ALPK3: variants seen among roughly 807,000 people sequenced by gnomAD.
ALPK3 encodes alpha kinase 3, also known as alpha-protein kinase 3.
ALPK3 carries 102 observed loss-of-function variants against 140.0 expected under a neutral mutation model. That is an observed-to-expected ratio of 0.73 (90% confidence interval 0.62 to 0.86). The LOEUF (loss-of-function observed/expected upper bound fraction) is 0.86. Ranked by LOEUF, ALPK3 falls within the 40% of genes least tolerant of loss-of-function variation. ALPK3 has a pLI of 0.00. For missense variants in ALPK3, 2,254 were observed against 2,208.2 expected (o/e 1.02, Z -0.42); for synonymous variants, 938 against 898.5 (o/e 1.04, Z -0.79).
At chr15:84,852,710 C>A (rs1164057709) in intron 5 of ALPK3, 6 of 179,810 alleles carry the variant, frequency 3.3e-5, no homozygotes, top group Non-Finnish European at 7.0e-5. Flanking sequence ...AAAGCGAAAC[C>A]GTGAATAAGA....
intron 5 of ALPK3, among the ~76,000 whole-genome samples, chr15:84,849,683 A>C (rs1391526633): frequency 6.6e-6 from 1 of 152,218 alleles, no homozygotes; most frequent in Non-Finnish European, 1.5e-5. Context: ...TCCTAAGGCC[A>C]ATTAGAAAAC....
chr15:84,862,883 C>G lies in ALPK3; in HGVS notation c.4378C>G (p.Leu1460Val), dbSNP rs781232591. ...GTTTGGGCCCAGCAGTGAGACTTCT[C>G]TTGTGGGCAGAAACTACGACGTCAC... ...LVFGPSSETS[L>V]VGRNYDVTIQ... is the part of the protein sequence containing the mutation. The change falls in exon 10 of 14, where the codon CTT (leucine) becomes GTT (valine). Residue 1460 changes from leucine (L) to valine (V), a missense_variant. This residue lies in a region of ALPK3 where 2,088 missense variants were observed against 2,022.9 expected (regional missense o/e 1.03). Coordinates refer to ENST00000258888, the MANE Select transcript of ALPK3 (RefSeq NM_020778.5). 3 of 1,614,088 alleles carry G rather than the reference C, an allele frequency of 1.9e-6. No homozygotes were observed. The highest frequency in any genetic ancestry group is 2.5e-6 in the Non-Finnish European group (3 of 1,179,978).
At chr15:84,833,858 C>T (rs537400508) in intron 3 of ALPK3, among the ~76,000 whole-genome samples, 2 of 152,304 alleles carry the variant, frequency 1.3e-5, no homozygotes, top group Admixed American at 1.3e-4. Flanking sequence ...CCAGGGACCC[C>T]TCTGGCCAGA....
chr15:84,848,620 T>C (rs1025028430), intron 5 of ALPK3, among the ~76,000 whole-genome samples: 1 of 152,156 alleles, frequency 6.6e-6, no homozygotes, highest in African/African-American at 2.4e-5. Flanking sequence ...AACCTATAAA[T>C]AATTATATTA....
At chr15:84,841,121 G>A (rs1963660631) in intron 5 of ALPK3, among the ~76,000 whole-genome samples, 189 bp downstream of exon 5, 1 of 152,240 alleles carries the variant, frequency 6.6e-6, no homozygotes, top group African/African-American at 2.4e-5. Context: ...TGCCAGGCAT[G>A]TGGGCAGCAC....
chr15:84,820,944 G>A (rs996362929), intron 1 of ALPK3, among the ~76,000 whole-genome samples: 90 of 151,566 alleles, frequency 5.9e-4, no homozygotes, highest in Admixed American at 2.6e-4. Flanking sequence ...TCCTTTATGA[G>A]GAGACCTTTC....
intron 3 of ALPK3, among the ~76,000 whole-genome samples, chr15:84,831,290 C>T (rs376724136): frequency 3.8e-4 from 58 of 152,282 alleles, no homozygotes; most frequent in African/African-American, 1.3e-3. Context: ...CAGTTGGAAA[C>T]GGAGAGCCTT....
At chr15:84,865,448 G>A (rs373008305) in intron 12 of ALPK3, among the ~76,000 whole-genome samples, 2 of 152,044 alleles carry the variant, frequency 1.3e-5, no homozygotes, top group African/African-American at 4.8e-5. Context: ...TATATATATA[G>A]CTCCATATAC....
At chr15:84,845,149 T>C (rs1963714156) in intron 5 of ALPK3, among the ~76,000 whole-genome samples, 1 of 151,414 alleles carries the variant, frequency 6.6e-6, no homozygotes. Flanking sequence ...TTTTTTCCCT[T>C]CTGGCATTTC....
intron 1 of ALPK3, among the ~76,000 whole-genome samples, chr15:84,819,504 G>C (rs1200307363): frequency 6.6e-6 from 1 of 152,226 alleles, no homozygotes; most frequent in Non-Finnish European, 1.5e-5. Context: ...GCAGTGGGGA[G>C]TGGAGGAGGC....
rs753827719 is a variant in ALPK3, at chr15:84,840,632, C to T, written c.1353C>T (p.Pro451=). 4 of 1,565,318 alleles carry T rather than the reference C, an allele frequency of 2.6e-6. No individual in the cohort carries two copies. Among genetic ancestry groups the T allele is most frequent in the Non-Finnish European group, 2.6e-6 (3 of 1,158,056 alleles). ...APGESPKGKA[P]LRARSEGVPG... is the part of the protein sequence containing the mutation. ...GGGAGAGTCCCAAGGGGAAGGCACC[C>T]CTCAGGGCTAGAAGCGAGGGGGTGC... Residue 451 remains proline (P), a synonymous_variant, in exon 5 of 14, where the codon CCC becomes CCT. Coordinates refer to ENST00000258888, the MANE Select transcript of ALPK3 (RefSeq NM_020778.5).
intron 5 of ALPK3, among the ~76,000 whole-genome samples, chr15:84,842,242 C>A (rs940875662): frequency 6.6e-6 from 1 of 152,228 alleles, no homozygotes; most frequent in Non-Finnish European, 1.5e-5. Flanking sequence ...CTGTGTTGAC[C>A]AGGCTGATCT....
intron 3 of ALPK3, among the ~76,000 whole-genome samples, chr15:84,837,134 G>A (rs1297166708): frequency 6.6e-6 from 1 of 152,184 alleles, no homozygotes; most frequent in African/African-American, 2.4e-5. Flanking sequence ...AAGATAGTGA[G>A]TACAGGCAGC....
intron 9 of ALPK3, among the ~76,000 whole-genome samples, chr15:84,861,524 A>G (rs966621796): frequency 5.9e-5 from 9 of 152,234 alleles, no homozygotes; most frequent in Non-Finnish European, 8.8e-5. Context: ...CCCCTTTTAA[A>G]GTTAAAAACA....
In ALPK3 at chr15:84,858,400, C is replaced by G. The variant is rs557058818; in HGVS notation, c.3662C>G (p.Ala1221Gly). The change falls in exon 6 of 14, where the codon GCG becomes GGG. Residue 1221 changes from alanine to glycine, a missense_variant. Ala to Gly is a moderately conservative substitution (Grantham distance 60). Coordinates refer to ENST00000258888, the MANE Select transcript of ALPK3 (RefSeq NM_020778.5). ...ERRSPTQGRK[A>G]SMLEVPRAEE... is the part of the protein sequence containing the mutation. Reference sequence around the variant, plus strand: ...CGCTCCCCTACGCAGGGCAGAAAGGCGAGCATGCTGGAGGTGCCTCGGGCA... The same window carrying G: ...CGCTCCCCTACGCAGGGCAGAAAGGGGAGCATGCTGGAGGTGCCTCGGGCA... The G allele has an allele frequency of 6.4e-7, 1 of 1,555,816 alleles. No homozygotes were observed. The highest frequency in any genetic ancestry group is 1.9e-5 in the Admixed American group (1 of 51,568).
intron 1 of ALPK3, among the ~76,000 whole-genome samples, chr15:84,821,724 T>C (rs1963426430): frequency 6.6e-6 from 1 of 152,080 alleles, no homozygotes; most frequent in African/African-American, 2.4e-5. Context: ...CTCCTCTTTC[T>C]TTTTCTTCCT....
chr15:84,868,328 C>A lies in ALPK3; in HGVS notation c.4990C>A (p.Pro1664Thr). The A allele has an allele frequency of 1.2e-6, 2 of 1,614,142 alleles. No homozygotes were observed. The highest frequency in any genetic ancestry group is 1.1e-5 in the South Asian group (1 of 91,084). ...PQPQKKGLPS[P>T]QGTRKSAPSS... ...GCCCCAGAAGAAAGGCCTCCCTAGT[C>A]CTCAGGGCACCCGGAAGAGTGCTCC... Residue 1664 changes from proline (P) to threonine (T), a missense_variant, in exon 14 of 14, where the codon CCT becomes ACT. Pro to Thr is a conservative substitution (Grantham distance 38). Coordinates refer to ENST00000258888, the MANE Select transcript of ALPK3 (RefSeq NM_020778.5).
In ALPK3 at chr15:84,860,077, G is replaced by T. The variant is rs1432174244; in HGVS notation, c.4129+5G>T. 2 of 1,614,112 alleles carry T rather than the reference G, an allele frequency of 1.2e-6. No homozygotes were observed. Among genetic ancestry groups the T allele is most frequent in the East Asian group, 2.2e-5 (1 of 44,876 alleles). ...TCTCCAGAGAAGAAGGTGAAGGTAT[G>T]GTTCCCCCCTGGGGAAGGCGGGGTG... is the stretch of plus-strand genomic sequence containing the variant. On this transcript the variant is annotated splice_donor_5th_base_variant and intron_variant, in intron 9 of 13. Transcript: ENST00000258888.
At chr15:84,859,519 C>T (rs1166232638) in intron 7 of ALPK3, 129 bp downstream of exon 7, 3 of 1,349,966 alleles carry the variant, frequency 2.2e-6, no homozygotes, top group East Asian at 2.5e-5. Context: ...TCCTTTTATT[C>T]CCATAGTAGA....
Sources: gnomAD v4.1 joint callset for allele counts (sites outside exome capture counted in the v4.1 genomes callset) on GRCh38, gnomAD v4.1.1 for gene constraint, gnomAD v4.1.1 regional missense constraint, MANE v1.5 for transcripts, NCBI Gene and HGNC (gene_info 2026-07-23, HGNC 2026-07-21) for gene names.